Variants in SHANK2 observed in about 807,000 individuals in gnomAD.
SHANK2 encodes the protein SH3 and multiple ankyrin repeat domains 2.
In SHANK2, 43 loss-of-function variants were observed where a neutral mutation model predicts 133.7. The ratio of observed to expected loss-of-function variants is 0.32; its 90% CI spans 0.25 to 0.41. The LOEUF (loss-of-function observed/expected upper bound fraction) is 0.41, where lower values mean the gene tolerates loss of function less well. Ranked by LOEUF, SHANK2 falls within the 10% of genes least tolerant of loss-of-function variation. SHANK2 has a pLI of 1.00. For synonymous variants in SHANK2, 1,017 were observed against 952.8 expected (o/e 1.07, Z -1.24); for missense variants, 1,994 against 2,235.8 (o/e 0.89, Z 2.18).
intron 14 of SHANK2, among the ~76,000 whole-genome samples, chr11:70,710,971 A>G (rs1489068883): frequency 6.6e-6 from 1 of 152,178 alleles, no homozygotes; most frequent in African/African-American, 2.4e-5. Flanking sequence ...TTTATCTGCA[A>G]TCTCACCCAA....
intron 17 of SHANK2, among the ~76,000 whole-genome samples, chr11:70,583,302 G>A (rs1298333771): frequency 6.6e-6 from 1 of 152,172 alleles, no homozygotes; most frequent in African/African-American, 2.4e-5. Flanking sequence ...AGCATGTGGC[G>A]AGAAGGTGAC....
chr11:70,727,441 G>C (rs1287253211), intron 14 of SHANK2, among the ~76,000 whole-genome samples: 1 of 152,214 alleles, frequency 6.6e-6, no homozygotes, highest in Non-Finnish European at 1.5e-5. Context: ...GTAGTTTCCA[G>C]GGCTTTCTGG....
At chr11:70,925,073 C>T (rs1418360558) in intron 10 of SHANK2, among the ~76,000 whole-genome samples, 2 of 152,158 alleles carry the variant, frequency 1.3e-5, no homozygotes, top group African/African-American at 4.8e-5. Flanking sequence ...CCAGATACAA[C>T]TCTCCATGGC....
intron 17 of SHANK2, among the ~76,000 whole-genome samples, chr11:70,618,141 C>T (rs900272378): frequency 6.6e-6 from 1 of 151,772 alleles, no homozygotes; most frequent in Non-Finnish European, 1.5e-5. Context: ...ACTAAAAATA[C>T]AAAAATTAGC....
At chr11:71,060,397 A>T (rs1950973454) in intron 9 of SHANK2, among the ~76,000 whole-genome samples, 1 of 152,198 alleles carries the variant, frequency 6.6e-6, no homozygotes, top group South Asian at 2.1e-4. Flanking sequence ...AACAACACGG[A>T]CTGTATGAAT....
intron 17 of SHANK2, among the ~76,000 whole-genome samples, chr11:70,595,317 G>A (rs954451570): frequency 3.3e-5 from 5 of 152,164 alleles, no homozygotes; most frequent in South Asian, 4.2e-4. Flanking sequence ...GCGCCCCCTC[G>A]CAGCCAGCCG....
intron 14 of SHANK2, among the ~76,000 whole-genome samples, chr11:70,721,951 T>C (rs1668741314): frequency 6.6e-6 from 1 of 152,266 alleles, no homozygotes; most frequent in Non-Finnish European, 1.5e-5. Flanking sequence ...CCCCAAATGA[T>C]GCCACTGGTG....
At chr11:71,222,294 C>T (rs569502771) in intron 2 of SHANK2, among the ~76,000 whole-genome samples, 17 of 152,312 alleles carry the variant, frequency 1.1e-4, no homozygotes, top group South Asian at 2.1e-4. Flanking sequence ...TCGTGAGTTG[C>T]CCAGACAAGT....
At chr11:70,490,061 C>T in intron 23 of SHANK2, 1 of 425,446 alleles carries the variant, frequency 2.4e-6, no homozygotes, top group East Asian at 4.9e-5. Context: ...TTGTGTCCTT[C>T]AGGGGGGATG....
intron 11 of SHANK2, among the ~76,000 whole-genome samples, chr11:70,823,838 C>T (rs147052386): frequency 0.017 from 2,446 of 148,006 alleles, 70 homozygotes; most frequent in African/African-American, 0.058. Flanking sequence ...ACAGAGGTGG[C>T]GTTGACAGAG....
chr11:70,781,691 C>T (rs1245215191), intron 14 of SHANK2, among the ~76,000 whole-genome samples: 4 of 146,162 alleles, frequency 2.7e-5, no homozygotes, highest in Non-Finnish European at 3.0e-5. Context: ...CCCATTAACT[C>T]GTCATTTACA....
At chr11:71,064,374 C>A (rs1438673145) in intron 9 of SHANK2, among the ~76,000 whole-genome samples, 2 of 152,102 alleles carry the variant, frequency 1.3e-5, no homozygotes, top group African/African-American at 4.8e-5. Context: ...GCCACCCCAG[C>A]AGAGCACCAA....
chr11:70,483,099 T>C (rs1210705332), intron 25 of SHANK2, among the ~76,000 whole-genome samples: 6 of 152,144 alleles, frequency 3.9e-5, no homozygotes, highest in African/African-American at 1.4e-4. Context: ...CCTAGAGCCA[T>C]TCCCTTCCAG....
intron 17 of SHANK2, among the ~76,000 whole-genome samples, chr11:70,638,571 G>A (rs968417971): frequency 7.2e-5 from 11 of 152,194 alleles, no homozygotes; most frequent in East Asian, 1.9e-4. Context: ...CAGATGCACC[G>A]GAAAATCCGC....
rs551537513 is a variant in SHANK2 at position 70,830,360 on chromosome 11, C to T, written c.1175-9678G>A. Among the ~76,000 whole-genome samples the T allele has an allele frequency of 9.2e-5, 14 of 152,228 alleles. No homozygotes were observed. The highest frequency in any genetic ancestry group is 3.1e-4 in the African/African-American group (13 of 41,534). ...CGTGTGAGTGTTTGGGGTCCGGGCC[C>T]TCCCAGAAATCCACACTTGGGGTTA... On this transcript the variant is annotated intron_variant, in intron 11 of 25. Transcript: ENST00000601538. The surrounding 1 kb of genome is among the most constrained non-coding windows in gnomAD (Gnocchi z 4.4).
chr11:70,813,420 C>T (rs1443988964), intron 12 of SHANK2, among the ~76,000 whole-genome samples: 12 of 152,128 alleles, frequency 7.9e-5, no homozygotes, highest in African/African-American at 2.7e-4. Context: ...CCGGAGCAGA[C>T]AGAAGGTGGA....
chr11:70,769,139 G>C (rs945156679), intron 14 of SHANK2, among the ~76,000 whole-genome samples: 6 of 152,166 alleles, frequency 3.9e-5, no homozygotes, highest in Non-Finnish European at 7.4e-5. Context: ...TTGGCGGGGT[G>C]AATGAATGGG....
intron 10 of SHANK2, among the ~76,000 whole-genome samples, chr11:70,910,819 A>G (rs1468687776): frequency 6.6e-6 from 1 of 152,076 alleles, no homozygotes; most frequent in African/African-American, 2.4e-5. Flanking sequence ...AAAAAAAAAA[A>G]AAGTTGAAAG....
rs770300859 is a variant in SHANK2 at position 71,109,980 on chromosome 11, G to A, written c.553C>T (p.Arg185Ter). The A allele has an allele frequency of 8.4e-6, 13 of 1,551,514 alleles. No homozygotes were observed. The highest frequency in any genetic ancestry group is 1.4e-5 in the African/African-American group (1 of 73,028). ...TCGTGGAAATTGGGATCCAGGCCTC[G>A]GTCCAGCATCTTGGTGATCTTCTCC... ...LVEKITKMLD[R>*]GLDPNFHDPE... Residue 185 changes from arginine to a stop codon, truncating the protein, a stop_gained, in exon 6 of 26, where the codon CGA becomes TGA. Coordinates refer to ENST00000601538, the MANE Select transcript of SHANK2 (RefSeq NM_012309.5). LOFTEE classifies it high-confidence loss of function.
Sources: gnomAD v4.1 joint callset for allele counts (sites outside exome capture counted in the v4.1 genomes callset) on GRCh38, gnomAD v4.1.1 for gene constraint, Gnocchi (gnomAD v3.1) non-coding constraint, MANE v1.5 for transcripts, NCBI Gene and HGNC (gene_info 2026-07-23, HGNC 2026-07-21) for gene names.